CCDC68: variants seen among roughly 807,000 people sequenced by gnomAD.
CCDC68 encodes coiled-coil domain-containing protein 68.
Under a neutral mutation model 47.1 loss-of-function variants are expected in CCDC68, and 45 were observed. The observed-to-expected ratio is 0.96, with a 90% CI of 0.75 to 1.23. The LOEUF is 1.23. Ranked by LOEUF, CCDC68 falls within the 50% of genes most tolerant of loss-of-function variation. The pLI, the probability that CCDC68 is intolerant of heterozygous loss-of-function variation, is 0.00. For synonymous variants in CCDC68, 131 were observed against 129.5 expected, an observed-to-expected ratio of 1.01 and a Z score of -0.08; for missense variants, 353 against 373.6, an observed-to-expected ratio of 0.94 and a Z score of 0.45.
At chr18:54,934,997 C>T in intron 6 of CCDC68, 49 bp from the exon 7 acceptor site, 1 of 1,409,674 alleles carries the variant, frequency 7.1e-7, no homozygotes. Context: ...TTTTCTTAAA[C>T]CTATACACAT....
At chr18:54,953,294 T>TA (rs139206788) in intron 1 of CCDC68, among the ~76,000 whole-genome samples, 25,870 of 151,972 alleles carry the variant, frequency 0.17, 2,225 homozygotes, top group South Asian at 0.23. Flanking sequence ...TCCAAAAACT[T>TA]ACAATAGTCT....
chr18:54,933,789 T>C (rs1033263109), intron 7 of CCDC68, among the ~76,000 whole-genome samples: 152 of 152,246 alleles, frequency 1.0e-3, no homozygotes, highest in African/African-American at 3.6e-3. Context: ...TAGAGCCACT[T>C]GATAATGGGC....
chr18:54,932,066 C>T (rs965586247), intron 7 of CCDC68, among the ~76,000 whole-genome samples: 1 of 152,208 alleles, frequency 6.6e-6, no homozygotes, highest in African/African-American at 2.4e-5. Flanking sequence ...CCACCTGAGA[C>T]ACCCTTCCTC....
intron 10 of CCDC68, among the ~76,000 whole-genome samples, chr18:54,914,872 C>T (rs2043918832): frequency 6.6e-6 from 1 of 152,188 alleles, no homozygotes; most frequent in African/African-American, 2.4e-5. Context: ...CCTTGTCTAA[C>T]TGTTTAACCA....
chr18:54,922,370 T>A (rs1387086926), intron 8 of CCDC68, among the ~76,000 whole-genome samples: 1 of 152,036 alleles, frequency 6.6e-6, no homozygotes, highest in Non-Finnish European at 1.5e-5. Context: ...CCACAGAGAA[T>A]CTTCAGGGGC....
At chr18:54,952,213 T>C (rs945541420) in intron 1 of CCDC68, among the ~76,000 whole-genome samples, 6 of 152,172 alleles carry the variant, frequency 3.9e-5, no homozygotes, top group Admixed American at 2.0e-4. Flanking sequence ...GAGTAACACT[T>C]GCCAGTCAAT....
At chr18:54,940,141 C>G (rs940462499) in intron 4 of CCDC68, among the ~76,000 whole-genome samples, 8 of 152,170 alleles carry the variant, frequency 5.3e-5, no homozygotes, top group African/African-American at 1.9e-4. Flanking sequence ...GTAAACTTCT[C>G]CAGTTTCAGA....
intron 8 of CCDC68, among the ~76,000 whole-genome samples, chr18:54,924,192 C>G (rs1022709365): frequency 6.6e-6 from 1 of 151,968 alleles, no homozygotes; most frequent in African/African-American, 2.4e-5. Context: ...GAAATTAAAG[C>G]AGAATTGAAA....
intron 1 of CCDC68, among the ~76,000 whole-genome samples, chr18:54,951,129 C>T (rs1335401572): frequency 6.6e-6 from 1 of 151,116 alleles, no homozygotes; most frequent in African/African-American, 2.4e-5. Flanking sequence ...AGGATGGTCT[C>T]GATCTCCTGA....
intron 6 of CCDC68, among the ~76,000 whole-genome samples, chr18:54,936,367 T>C (rs1268367670): frequency 6.6e-6 from 1 of 150,476 alleles, no homozygotes; most frequent in Non-Finnish European, 1.5e-5. Context: ...TTGTTTTCTG[T>C]TTTTTTAAAT....
Position 54,942,801 on chromosome 18 carries a change from T to G in CCDC68, c.-10A>C. 6.5e-7 allele frequency: 1 copy of G among 1,530,568 alleles called. No homozygotes were observed. Among genetic ancestry groups the G allele is most frequent in the East Asian group, 2.3e-5 (1 of 44,378 alleles). 94.8% of individuals were successfully genotyped at this position (1,530,568 alleles called of 1,614,324 possible). A position where few individuals can be genotyped will look rare whatever the true frequency, so the allele number is the denominator to read the frequency against. On this transcript the variant is annotated splice_region_variant and 5_prime_UTR_variant, in exon 3 of 12. Coordinates refer to ENST00000591504, the MANE Select transcript of CCDC68 (RefSeq NM_025214.3). ...CTGTCACTGTTGTCATTGTGAATTC[T>G]GGCTTTAGGAAAACATAAATCAGCT... is the stretch of plus-strand genomic sequence containing the variant.
Position 54,904,196 on chromosome 18 carries a change from G to T in CCDC68, c.*162C>A. The T allele has an allele frequency of 3.5e-6, 2 of 570,424 alleles. No homozygotes were observed. Among genetic ancestry groups the T allele is most frequent in the Non-Finnish European group, 6.3e-6 (2 of 319,480 alleles). 35.3% of individuals were successfully genotyped at this position (570,424 alleles called of 1,614,324 possible). A position where few individuals can be genotyped will look rare whatever the true frequency, so the allele number is the denominator to read the frequency against. On this transcript the variant is annotated 3_prime_UTR_variant, in exon 12 of 12. Coordinates refer to ENST00000591504, the MANE Select transcript of CCDC68 (RefSeq NM_025214.3). ...GAGTCCATCCATTAAATATAGATTTGTTTGATTTTCTGAAATGTCATCTTC... is the reference window on the plus strand; with the variant it reads ...GAGTCCATCCATTAAATATAGATTTTTTTGATTTTCTGAAATGTCATCTTC...
At chr18:54,907,691 G>A (rs1914091874) in intron 11 of CCDC68, 95 bp downstream of exon 11, 2 of 727,586 alleles carry the variant, frequency 2.7e-6, no homozygotes, top group Non-Finnish European at 5.0e-6. Flanking sequence ...GATTACATAA[G>A]CAGTGACAGA....
At position 54,940,990 on chromosome 18, in the gene CCDC68, T is replaced by A. The variant is rs1273166884; in HGVS notation, c.204+7A>T. The A allele has an allele frequency of 6.3e-7, 1 of 1,586,966 alleles. No individual in the cohort carries two copies. Among genetic ancestry groups the A allele is most frequent in the African/African-American group, 1.3e-5 (1 of 74,278 alleles). ...CTTTATGCTAATCTTCTGCAGGAAA[T>A]TATTACCTTTGCATCTAGTTTGTGA... On this transcript the variant is annotated splice_region_variant and intron_variant, in intron 4 of 11. Transcript: ENST00000591504.
chr18:54,941,454 T>C (rs1006434613), intron 3 of CCDC68, among the ~76,000 whole-genome samples: 1 of 152,056 alleles, frequency 6.6e-6, no homozygotes, highest in Non-Finnish European at 1.5e-5. Flanking sequence ...CAATTACTAC[T>C]TAGTAATCAC....
chr18:54,944,586 C>T (rs376793625), intron 2 of CCDC68, among the ~76,000 whole-genome samples: 103 of 152,212 alleles, frequency 6.8e-4, no homozygotes, highest in South Asian at 5.0e-3. Flanking sequence ...TTTAGAAGCA[C>T]ATAAGGCAAA....
intron 1 of CCDC68, chr18:54,954,793 AGGTGTATT>A (rs2044683941): frequency 9.2e-5 from 14 of 152,194 alleles, no homozygotes; most frequent in Admixed American, 8.5e-4. Flanking sequence ...AAGGAAACAA[AGGTGTATT>A]ACCAAACAAG....
chr18:54,930,611 CT>C (rs2044225633), intron 7 of CCDC68, among the ~76,000 whole-genome samples: 2 of 122,404 alleles, frequency 1.6e-5, no homozygotes, highest in Non-Finnish European at 3.5e-5. Context: ...TCCTTCCTTC[CT>C]TCCCTTCCCT....
chr18:54,929,407 T>A (rs1052044879), intron 7 of CCDC68, among the ~76,000 whole-genome samples: 4 of 152,162 alleles, frequency 2.6e-5, no homozygotes, highest in African/African-American at 9.7e-5. Flanking sequence ...CAGGAGAAAC[T>A]GAGATTGCAA....
Sources: gnomAD v4.1 joint callset for allele counts (sites outside exome capture counted in the v4.1 genomes callset) on GRCh38, gnomAD v4.1.1 for gene constraint, MANE v1.5 for transcripts, NCBI Gene and HGNC (gene_info 2026-07-23, HGNC 2026-07-21) for gene names.